SPATA13: variants seen among roughly 807,000 people sequenced by gnomAD.
SPATA13 encodes spermatogenesis associated 13.
Under a neutral mutation model 104.0 loss-of-function variants are expected in SPATA13, and 50 were observed. That is an observed-to-expected ratio of 0.48 (90% CI 0.38 to 0.61). The LOEUF (loss-of-function observed/expected upper bound fraction) is 0.61. Ranked by LOEUF, SPATA13 falls within the 20% of genes least tolerant of loss-of-function variation. The probability of loss-of-function intolerance (pLI) is 0.00; values close to 1 mark genes in which losing one functional copy is unlikely to be tolerated. For missense variants in SPATA13, 1,524 were observed against 1,690.6 expected (o/e 0.90, Z 1.73); for synonymous variants, 606 against 667.5 (o/e 0.91, Z 1.42).
intron 2 of SPATA13, among the ~76,000 whole-genome samples, chr13:23,993,704 G>A (rs138577515): frequency 6.6e-6 from 1 of 152,300 alleles, no homozygotes; most frequent in Non-Finnish European, 1.5e-5. Flanking sequence ...CCCATCCTTT[G>A]GCTAGAGGGA....
chr13:24,190,381 T>C, intron 1 of SPATA13, among the ~76,000 whole-genome samples: 1 of 74,614 alleles, frequency 1.3e-5, no homozygotes, highest in African/African-American at 3.5e-5. Context: ...TATATAATAT[T>C]ATATATATAA....
chr13:24,133,186 A>G (rs1881443054), intron 3 of SPATA13, among the ~76,000 whole-genome samples: 1 of 150,952 alleles, frequency 6.6e-6, no homozygotes, highest in Non-Finnish European at 1.5e-5. Flanking sequence ...CAGCCTATAC[A>G]GACCAGATGA....
chr13:24,179,315 A>G (rs1868644307), intron 1 of SPATA13, among the ~76,000 whole-genome samples: 1 of 152,212 alleles, frequency 6.6e-6, no homozygotes, highest in Non-Finnish European at 1.5e-5. Context: ...GCTGAGTCAA[A>G]TGGTAACTCA....
At chr13:24,295,531 G>A (rs1157770721) in intron 10 of SPATA13, among the ~76,000 whole-genome samples, 1 of 152,118 alleles carries the variant, frequency 6.6e-6, no homozygotes, top group East Asian at 1.9e-4. Flanking sequence ...AGGATCACTT[G>A]AGCCTAGGAG....
At chr13:24,219,882 T>C (rs1241848026) in intron 1 of SPATA13, among the ~76,000 whole-genome samples, 2 of 152,156 alleles carry the variant, frequency 1.3e-5, no homozygotes, top group African/African-American at 4.8e-5. Flanking sequence ...CTACTTACTG[T>C]AGAGTGATCA....
chr13:24,301,776 A>C (rs148789748), intron 12 of SPATA13, among the ~76,000 whole-genome samples: 216 of 152,354 alleles, frequency 1.4e-3, no homozygotes, highest in African/African-American at 4.9e-3. Flanking sequence ...CTAATCGCTA[A>C]TTTTAATAAA....
rs112486237 is a variant in SPATA13 at position 24,134,290 on chromosome 13, C to T, written c.-111-88529C>T. ...TGGTTTCTGGGGCTTTTCCAAGTAC[C>T]CTAAAACCACACCATGAAAAGTGTA... On this transcript the variant is annotated intron_variant, in intron 3 of 14. Transcript: ENST00000424834. Among the ~76,000 whole-genome samples, 395 of 152,252 alleles carry T rather than the reference C, an allele frequency of 2.6e-3. 3 individuals are homozygous for T. The highest frequency in any genetic ancestry group is 9.3e-3 in the African/African-American group (388 of 41,526).
At chr13:24,198,238 C>T (rs927218580) in intron 1 of SPATA13, among the ~76,000 whole-genome samples, 1 of 152,086 alleles carries the variant, frequency 6.6e-6, no homozygotes, top group African/African-American at 2.4e-5. Flanking sequence ...TGTGATCTGC[C>T]CCCCTTGGCC....
chr13:24,127,191 C>G (rs924366094), intron 3 of SPATA13, among the ~76,000 whole-genome samples: 5 of 152,082 alleles, frequency 3.3e-5, no homozygotes, highest in African/African-American at 9.7e-5. Flanking sequence ...AAAGGTGTGG[C>G]CAGGGTAGGA....
chr13:24,120,262 G>C (rs183440001), intron 3 of SPATA13, among the ~76,000 whole-genome samples: 1 of 152,150 alleles, frequency 6.6e-6, no homozygotes, highest in Non-Finnish European at 1.5e-5. Context: ...TGAGAAATTG[G>C]AGTGTAACTA....
chr13:24,040,213 G>C (rs1177325848), intron 3 of SPATA13, among the ~76,000 whole-genome samples: 3 of 152,196 alleles, frequency 2.0e-5, no homozygotes, highest in Non-Finnish European at 4.4e-5. Context: ...TTAAGTCAGG[G>C]TTCTGGCCTG....
Position 24,223,506 on chromosome 13 carries a change from T to C in SPATA13, c.577T>C (p.Phe193Leu), listed in dbSNP as rs1418300846. Reference protein sequence around the residue: ...GSDLEDTDDAFQRSTHRSRSL... With the variant: ...GSDLEDTDDALQRSTHRSRSL... ...CGACCTCGAGGACACGGACGATGCC[T>C]TCCAGCGGAGCACACACCGCTCCCG... Residue 193 changes from phenylalanine (F) to leucine (L), a missense_variant, in exon 2 of 13, where the codon TTC becomes CTC. Around this residue, in one of 2 missense-constraint regions of SPATA13, gnomAD observed 1,089 missense variants for 1,135.9 expected, o/e 0.96. Transcript: ENST00000382108. 2 of 1,548,336 alleles carry C rather than the reference T, an allele frequency of 1.3e-6. No individual in the cohort carries two copies. Among genetic ancestry groups the C allele is most frequent in the Non-Finnish European group, 1.7e-6 (2 of 1,146,986 alleles).
At chr13:24,196,550 T>C (rs761349273) in intron 1 of SPATA13, among the ~76,000 whole-genome samples, 2 of 152,010 alleles carry the variant, frequency 1.3e-5, no homozygotes, top group Non-Finnish European at 2.9e-5. Flanking sequence ...GCCTGGGAAA[T>C]ATAGTGAGAC....
At chr13:24,080,264 G>T (rs1879467151) in intron 3 of SPATA13, among the ~76,000 whole-genome samples, 1 of 152,194 alleles carries the variant, frequency 6.6e-6, no homozygotes, top group African/African-American at 2.4e-5. Context: ...ACACACCCCA[G>T]TAAGGTTTAC....
chr13:24,088,826 C>T lies in SPATA13; in HGVS notation c.-112+71125C>T, dbSNP rs770967886. Reference sequence around the variant, plus strand: ...GCCAGAAATGTGTGACCCCAGCTTCCGTCAGTGCTGGCTGAGGAGTGTCCC... The same window carrying T: ...GCCAGAAATGTGTGACCCCAGCTTCTGTCAGTGCTGGCTGAGGAGTGTCCC... On this transcript the variant is annotated intron_variant, in intron 3 of 14. Coordinates refer to the SPATA13 transcript ENST00000424834. The surrounding 1 kb of genome is among the most constrained non-coding windows in gnomAD (Gnocchi z 4.3). Among the ~76,000 whole-genome samples, 16 of 152,144 alleles carry T rather than the reference C, an allele frequency of 1.1e-4. No homozygotes were observed. The highest frequency in any genetic ancestry group is 2.1e-4 in the South Asian group (1 of 4,824).
rs199554673 is a variant in SPATA13, at chr13:24,142,637, C to CT, written c.-111-80176dup. Reference sequence around the variant, plus strand: ...AGAGGTAATTACTACTCTTCAACAACTTTTTTCCTCCTCCCCCTTTCCTCT... The same window carrying CT: ...AGAGGTAATTACTACTCTTCAACAACTTTTTTTCCTCCTCCCCCTTTCCTCT... On this transcript the variant is annotated intron_variant, in intron 3 of 14. Transcript: ENST00000424834. Among the ~76,000 whole-genome samples the CT allele has an allele frequency of 1.4e-3, 210 of 152,206 alleles. 1 individual carries two copies. The East Asian group carries it at 0.032, about 23-fold the overall frequency.
At chr13:24,178,294 T>C (rs1366448455) in intron 1 of SPATA13, among the ~76,000 whole-genome samples, 1 of 152,244 alleles carries the variant, frequency 6.6e-6, no homozygotes, top group Non-Finnish European at 1.5e-5. Context: ...GAGCATGCTC[T>C]TGAAAAATAC....
chr13:24,146,531 A>T (rs1881938373), intron 3 of SPATA13, among the ~76,000 whole-genome samples: 1 of 152,248 alleles, frequency 6.6e-6, no homozygotes, highest in Non-Finnish European at 1.5e-5. Flanking sequence ...ATCTACATAG[A>T]TAAGAAATAA....
At chr13:24,015,666 C>A (rs533834705) in intron 2 of SPATA13, among the ~76,000 whole-genome samples, 1 of 152,182 alleles carries the variant, frequency 6.6e-6, no homozygotes, top group Non-Finnish European at 1.5e-5. Context: ...TCCCTGCCAT[C>A]CCCTAGAAGG....
Sources: gnomAD v4.1 joint callset for allele counts (sites outside exome capture counted in the v4.1 genomes callset) on GRCh38, gnomAD v4.1.1 for gene constraint, gnomAD v4.1.1 regional missense constraint, Gnocchi (gnomAD v3.1) non-coding constraint, MANE v1.5 for transcripts, NCBI Gene and HGNC (gene_info 2026-07-23, HGNC 2026-07-21) for gene names.